The following TRPS1 variants were observed in gnomAD, a reference collection of about 807,000 sequenced individuals.
TRPS1 encodes the protein transcriptional repressor GATA binding 1.
TRPS1 carries 6 observed loss-of-function variants against 101.2 expected under a neutral mutation model. The observed-to-expected ratio is 0.06, with a 90% CI of 0.03 to 0.12. TRPS1 has a LOEUF of 0.12. Ranked by LOEUF, TRPS1 falls within the 10% of genes least tolerant of loss-of-function variation. The pLI is 1.00. For synonymous variants in TRPS1, 578 were observed against 589.8 expected (o/e 0.98, Z 0.29); for missense variants, 1,363 against 1,567.0 (o/e 0.87, Z 2.20).
At chr8:115,535,962 A>G (rs1816309432) in intron 5 of TRPS1, among the ~76,000 whole-genome samples, 1 of 152,068 alleles carries the variant, frequency 6.6e-6, no homozygotes, top group African/African-American at 2.4e-5. Context: ...CCACTACTAC[A>G]AAAATAAATA....
chr8:115,439,733 G>A (rs1219333665), intron 5 of TRPS1, among the ~76,000 whole-genome samples: 1 of 152,114 alleles, frequency 6.6e-6, no homozygotes, highest in Non-Finnish European at 1.5e-5. Flanking sequence ...GAAATGCAGT[G>A]TTATGACATG....
chr8:115,634,659 A>G (rs1330944626), intron 1 of TRPS1, among the ~76,000 whole-genome samples: 1 of 152,216 alleles, frequency 6.6e-6, no homozygotes, highest in African/African-American at 2.4e-5. Context: ...GGTGCTATTC[A>G]GAAAATACAA....
intron 4 of TRPS1, among the ~76,000 whole-genome samples, chr8:115,598,919 C>G (rs926477556): frequency 3.3e-5 from 5 of 152,140 alleles, no homozygotes; most frequent in African/African-American, 4.8e-5. Flanking sequence ...CTCATTTTTG[C>G]TACAATGTGT....
At chr8:115,667,848 G>A (rs1415502861) in intron 1 of TRPS1, 12 of 1,530,518 alleles carry the variant, frequency 7.8e-6, no homozygotes, top group African/African-American at 2.7e-5. Context: ...AGACCCTCCC[G>A]ACCCTCCCGA....
intron 1 of TRPS1, among the ~76,000 whole-genome samples, chr8:115,658,131 C>G (rs995405491): frequency 6.6e-6 from 1 of 152,086 alleles, no homozygotes; most frequent in Non-Finnish European, 1.5e-5. Flanking sequence ...CTAAAATCAA[C>G]GACATCATGC....
intron 5 of TRPS1, among the ~76,000 whole-genome samples, chr8:115,495,159 A>T (rs1398909870): frequency 1.3e-5 from 2 of 152,202 alleles, no homozygotes; most frequent in African/African-American, 4.8e-5. Flanking sequence ...TGCAAAAAGG[A>T]AGCAAAATAA....
chr8:115,667,983 C>G, intron 1 of TRPS1: 1 of 1,300,884 alleles, frequency 7.7e-7, no homozygotes. Flanking sequence ...TCCAGCTCCT[C>G]CGCTGCGCCC....
chr8:115,592,700 G>GT (rs199599710), intron 4 of TRPS1, among the ~76,000 whole-genome samples: 152,330 of 152,330 alleles, frequency 1, 76,165 homozygotes, highest in Non-Finnish European at 1. Flanking sequence ...ATTTAGACCA[G>GT]GCTTCTCAAA....
intron 5 of TRPS1, among the ~76,000 whole-genome samples, chr8:115,522,561 G>T (rs879655822): frequency 3.9e-5 from 6 of 152,084 alleles, no homozygotes; most frequent in South Asian, 2.1e-4. Flanking sequence ...AGTTGTGTAA[G>T]AGGTGAGAGC....
At chr8:115,562,775 G>A (rs186359262) in intron 5 of TRPS1, among the ~76,000 whole-genome samples, 3 of 151,814 alleles carry the variant, frequency 2.0e-5, no homozygotes, top group East Asian at 1.9e-4. Flanking sequence ...TATATCAAAG[G>A]AGAGATCAAA....
chr8:115,642,990 T>G (rs144105826), intron 1 of TRPS1, among the ~76,000 whole-genome samples: 1 of 151,938 alleles, frequency 6.6e-6, no homozygotes, highest in African/African-American at 2.4e-5. Context: ...CACAAGAATA[T>G]TTTGGTTTCC....
chr8:115,440,417 G>C (rs1813563884), intron 5 of TRPS1, among the ~76,000 whole-genome samples: 1 of 152,202 alleles, frequency 6.6e-6, no homozygotes, highest in Non-Finnish European at 1.5e-5. Context: ...TACACTGAAT[G>C]GGAAGGAAGT....
At chr8:115,515,352 T>C (rs746618483) in intron 5 of TRPS1, 65 of 674,880 alleles carry the variant, frequency 9.6e-5, no homozygotes, top group Admixed American at 3.4e-4. Context: ...GTGGAAAGAA[T>C]TTAAGAACCT....
chr8:115,514,244 A>G (rs1280995698), intron 5 of TRPS1, among the ~76,000 whole-genome samples: 1 of 151,674 alleles, frequency 6.6e-6, no homozygotes, highest in Non-Finnish European at 1.5e-5. Flanking sequence ...TCAAAAACTC[A>G]CTATTTTTAA....
chr8:115,438,798 A>G (rs770817893), intron 5 of TRPS1, among the ~76,000 whole-genome samples: 2 of 150,324 alleles, frequency 1.3e-5, no homozygotes, highest in Non-Finnish European at 3.0e-5. Context: ...GCTTTGTTTC[A>G]TTCTTTTTCC....
intron 1 of TRPS1, among the ~76,000 whole-genome samples, chr8:115,644,581 T>G (rs931858498): frequency 1.4e-4 from 22 of 152,208 alleles, no homozygotes; most frequent in African/African-American, 5.3e-4. Context: ...TGTTTTTGCT[T>G]TCTTATCATG....
intron 5 of TRPS1, among the ~76,000 whole-genome samples, chr8:115,514,868 T>C (rs1815671941): frequency 6.6e-6 from 1 of 151,694 alleles, no homozygotes; most frequent in African/African-American, 2.4e-5. Context: ...TTCAAATGTA[T>C]GACTTCTACC....
intron 5 of TRPS1, among the ~76,000 whole-genome samples, chr8:115,455,922 C>G (rs965466540): frequency 6.6e-6 from 1 of 151,042 alleles, no homozygotes; most frequent in African/African-American, 2.4e-5. Context: ...GTAGCTGGGA[C>G]TACAGGCGCC....
intron 5 of TRPS1, among the ~76,000 whole-genome samples, chr8:115,468,255 G>T (rs1438587584): frequency 6.6e-6 from 1 of 152,000 alleles, no homozygotes; most frequent in Non-Finnish European, 1.5e-5. Context: ...TATTATTTCT[G>T]ACATCCTTAC....
Sources: allele counts gnomAD v4.1 joint callset (sites outside exome capture counted in the v4.1 genomes callset), GRCh38; gene constraint gnomAD v4.1.1; transcripts MANE v1.5; gene names NCBI Gene and HGNC (gene_info 2026-07-23, HGNC 2026-07-21).